GLIPR1L2: variants seen among roughly 807,000 people sequenced by gnomAD.
GLIPR1L2 encodes the protein GLIPR1-like protein 2.
GLIPR1L2 carries 21 observed loss-of-function variants against 28.4 expected under a neutral mutation model. The observed-to-expected ratio is 0.74, with a 90% CI of 0.52 to 1.06. GLIPR1L2 has a LOEUF of 1.06. Ranked by LOEUF, GLIPR1L2 falls within the 50% of genes least tolerant of loss-of-function variation. The pLI, the probability that GLIPR1L2 is intolerant of heterozygous loss-of-function variation, is 0.00. For missense variants in GLIPR1L2, 476 were observed against 416.9 expected, an observed-to-expected ratio of 1.14 and a Z score of -1.23; for synonymous variants, 145 against 139.3, an observed-to-expected ratio of 1.04 and a Z score of -0.29.
At chr12:75,422,413 C>T (rs1355692664) in intron 3 of GLIPR1L2, among the ~76,000 whole-genome samples, 1 of 151,842 alleles carries the variant, frequency 6.6e-6, no homozygotes, top group Non-Finnish European at 1.5e-5. Context: ...CGCCATTCTC[C>T]TGCCTCAGCC....
Position 75,410,471 on chromosome 12 carries a change from G to A in GLIPR1L2, c.272G>A (p.Trp91Ter), listed in dbSNP as rs1219379747. The A allele has an allele frequency of 2.5e-6, 4 of 1,608,970 alleles. No homozygotes were observed. Among genetic ancestry groups the A allele is most frequent in the African/African-American group, 2.7e-5 (2 of 74,706 alleles). ...GCTTTATCACGGACTGCTAGAGCATGGGGAAAAAAATGTTTGTTTACGCAT... is the reference window on the plus strand; with the variant it reads ...GCTTTATCACGGACTGCTAGAGCATAGGGAAAAAAATGTTTGTTTACGCAT... Reference protein sequence around the residue: ...DVALSRTARAWGKKCLFTHNI... With the variant: ...DVALSRTARA The change falls in exon 2 of 6, where the codon TGG becomes TAG. Residue 91 changes from tryptophan to a stop codon, truncating the protein, a stop_gained. Coordinates refer to ENST00000550916, the MANE Select transcript of GLIPR1L2 (RefSeq NM_001270396.2). LOFTEE classifies it high-confidence loss of function.
chr12:75,415,359 G>A (rs1017260429), intron 3 of GLIPR1L2, among the ~76,000 whole-genome samples: 2 of 152,076 alleles, frequency 1.3e-5, no homozygotes, highest in African/African-American at 4.8e-5. Context: ...ATAAGGAAAC[G>A]AGTGTAAAGA....
chr12:75,391,388 C>T (rs201714376), intron 1 of GLIPR1L2, 38 bp downstream of exon 1: 429 of 1,604,656 alleles, frequency 2.7e-4, no homozygotes, highest in Non-Finnish European at 3.4e-4. Context: ...CTTCCACTAC[C>T]GTTGCCACAA....
chr12:75,430,654 T>G (rs1405431712), intron 4 of GLIPR1L2, 61 bp from the exon 5 acceptor site: 1 of 1,435,772 alleles, frequency 7.0e-7, no homozygotes, highest in African/African-American at 1.4e-5. Context: ...GGAGATTATC[T>G]TATTTTTTAG....
At chr12:75,428,420 A>T (rs1049701591) in intron 4 of GLIPR1L2, among the ~76,000 whole-genome samples, 32 of 152,190 alleles carry the variant, frequency 2.1e-4, no homozygotes, top group African/African-American at 7.7e-4. Flanking sequence ...AGTCTTATGT[A>T]TTCTCAAAGA....
chr12:75,400,838 A>C (rs1484716282), intron 1 of GLIPR1L2, among the ~76,000 whole-genome samples: 1 of 152,204 alleles, frequency 6.6e-6, no homozygotes, highest in African/African-American at 2.4e-5. Context: ...TATTAGGGCT[A>C]GCATTCCTGA....
chr12:75,419,931 T>C (rs187101726), intron 3 of GLIPR1L2, among the ~76,000 whole-genome samples: 27 of 152,330 alleles, frequency 1.8e-4, no homozygotes, highest in Non-Finnish European at 3.5e-4. Context: ...ATCTCTATTA[T>C]AGTTTATCTT....
At chr12:75,400,431 T>C (rs1446566395) in intron 1 of GLIPR1L2, among the ~76,000 whole-genome samples, 1 of 152,180 alleles carries the variant, frequency 6.6e-6, no homozygotes, top group Non-Finnish European at 1.5e-5. Context: ...CTGAACGTTC[T>C]TTATACTAAC....
At position 75,423,364 on chromosome 12, in the gene GLIPR1L2, T is replaced by G. The variant is rs551422558; in HGVS notation, c.670+375T>G. ...ATGAAGTAGCATATATTTAATACCC[T>G]TTTCTTTTAGTTTTTCCTCCAAAAA... On this transcript the variant is annotated intron_variant, in intron 4 of 5. Coordinates refer to ENST00000550916, the MANE Select transcript of GLIPR1L2 (RefSeq NM_001270396.2). 300 of 1,018,996 alleles carry G rather than the reference T, an allele frequency of 2.9e-4. No homozygotes were observed. The African/African-American group carries it at 4.5e-3, about 15-fold the overall frequency. 63.1% of individuals were successfully genotyped at this position (1,018,996 alleles called of 1,614,324 possible).
chr12:75,402,988 A>G (rs901697595), intron 1 of GLIPR1L2: 6 of 456,706 alleles, frequency 1.3e-5, no homozygotes, highest in Non-Finnish European at 2.6e-5. Context: ...TTTGTTAACA[A>G]GTGTCATGAA....
intron 3 of GLIPR1L2, among the ~76,000 whole-genome samples, chr12:75,417,694 A>T (rs1239906479): frequency 6.6e-6 from 1 of 152,158 alleles, no homozygotes; most frequent in Admixed American, 6.6e-5. Context: ...GGAAAGAGAA[A>T]TAATAAAGAA....
In GLIPR1L2 at chr12:75,410,355, A is replaced by G. The variant is rs910628947; in HGVS notation, c.235-79A>G. 1.3e-5 allele frequency: 17 copies of G among 1,315,774 alleles called. No homozygotes were observed. The African/African-American group carries it at 2.5e-4, about 20-fold the overall frequency. The allele number at this position is 1,315,774 out of a possible 1,614,324, so 81.5% of individuals were successfully genotyped here. A position where few individuals can be genotyped will look rare whatever the true frequency, so the allele number is the denominator to read the frequency against. On this transcript the variant is annotated intron_variant, in intron 1 of 5. Transcript: ENST00000550916. ...AGTTAGAATTGTTTCCTTTAAATCT[A>G]ATGATAACTCAAGAAAAAATATTTT...
At chr12:75,421,998 T>C (rs529550070) in intron 3 of GLIPR1L2, among the ~76,000 whole-genome samples, 30 of 151,832 alleles carry the variant, frequency 2.0e-4, no homozygotes, top group African/African-American at 6.3e-4. Context: ...TCTTTATTTC[T>C]TTATTTATTT....
chr12:75,416,340 G>A (rs1296132162), intron 3 of GLIPR1L2, among the ~76,000 whole-genome samples: 1 of 152,088 alleles, frequency 6.6e-6, no homozygotes, highest in Non-Finnish European at 1.5e-5. Flanking sequence ...CTAAGTAGAC[G>A]AAGCTTCTGG....
intron 4 of GLIPR1L2, among the ~76,000 whole-genome samples, chr12:75,425,490 A>T (rs1300753490): frequency 6.6e-6 from 1 of 152,220 alleles, no homozygotes; most frequent in African/African-American, 2.4e-5. Context: ...GAATCCACAC[A>T]TGCAGAAGCC....
In GLIPR1L2 at chr12:75,432,482, G is replaced by A. The variant is rs887710190; in HGVS notation, c.*1321G>A. 2.6e-5 allele frequency: 4 copies of A among 151,136 alleles called. No homozygotes were observed. Among genetic ancestry groups the A allele is most frequent in the African/African-American group, 7.3e-5 (3 of 41,092 alleles). 9.4% of individuals were successfully genotyped at this position (151,136 alleles called of 1,614,324 possible). On this transcript the variant is annotated 3_prime_UTR_variant, in exon 6 of 6. Coordinates refer to ENST00000550916, the MANE Select transcript of GLIPR1L2 (RefSeq NM_001270396.2). ...TGTTTTCTGGTTTTGATAGAATATT[G>A]TGTTCTAAAGCTATATTTCTCAATG...
chr12:75,425,676 G>C (rs554805993), intron 4 of GLIPR1L2, among the ~76,000 whole-genome samples: 10 of 152,310 alleles, frequency 6.6e-5, no homozygotes, highest in Admixed American at 3.3e-4. Flanking sequence ...AATGTAACCT[G>C]ACATCACTTA....
intron 4 of GLIPR1L2, chr12:75,424,177 C>T (rs1021669977): frequency 5.3e-5 from 8 of 152,200 alleles, no homozygotes; most frequent in African/African-American, 1.9e-4. Flanking sequence ...AGTTTACACT[C>T]CCACCTACAG....
intron 4 of GLIPR1L2, among the ~76,000 whole-genome samples, chr12:75,426,030 CA>C (rs1397870036): frequency 6.6e-6 from 1 of 151,738 alleles, no homozygotes; most frequent in Non-Finnish European, 1.5e-5. Context: ...AGAACAGAAC[CA>C]AAACAATAGA....
Sources: gnomAD v4.1 joint callset for allele counts (sites outside exome capture counted in the v4.1 genomes callset) on GRCh38, gnomAD v4.1.1 for gene constraint, MANE v1.5 for transcripts, NCBI Gene and HGNC (gene_info 2026-07-23, HGNC 2026-07-21) for gene names.